Variants in SCAPER observed in about 807,000 individuals in gnomAD.
SCAPER encodes the protein S-phase cyclin A associated protein in the ER.
Under a neutral mutation model 182.2 loss-of-function variants are expected in SCAPER, and 98 were observed. That is an observed-to-expected ratio of 0.54 (90% confidence interval 0.46 to 0.64). SCAPER has a LOEUF of 0.64. Among genes scored for constraint, SCAPER ranks in the 30% least tolerant of loss-of-function variants. The pLI is 0.00. For missense variants in SCAPER, 1,432 were observed against 1,690.0 expected, an observed-to-expected ratio of 0.85 and a Z score of 2.68; for synonymous variants, 605 against 564.6, an observed-to-expected ratio of 1.07 and a Z score of -1.01.
chr15:76,857,749 A>G (rs2071525901), intron 4 of SCAPER, 60 bp downstream of exon 4: 1 of 1,031,388 alleles, frequency 9.7e-7, no homozygotes, highest in Non-Finnish European at 1.4e-6. Context: ...TTCATAATTT[A>G]TAATACATTC....
chr15:76,397,007 G>GTTTTTTTT (rs61586857), intron 27 of SCAPER, among the ~76,000 whole-genome samples: 1 of 121,150 alleles, frequency 8.3e-6, no homozygotes, highest in Non-Finnish European at 1.8e-5. Context: ...TTTTTTGAGA[G>GTTTTTTTT]TTTTTTTTTT....
chr15:76,812,997 A>C (rs1469132228), intron 5 of SCAPER, among the ~76,000 whole-genome samples: 1 of 121,064 alleles, frequency 8.3e-6, no homozygotes, highest in Non-Finnish European at 1.8e-5. Flanking sequence ...AAAAATGATG[A>C]ATATACACAC....
At chr15:76,863,118 G>C (rs2072008632) in intron 2 of SCAPER, among the ~76,000 whole-genome samples, 1 of 152,068 alleles carries the variant, frequency 6.6e-6, no homozygotes, top group African/African-American at 2.4e-5. Flanking sequence ...GCCCTGCCTG[G>C]CCTAAGAACA....
intron 18 of SCAPER, among the ~76,000 whole-genome samples, chr15:76,705,132 A>T (rs2059179569): frequency 6.6e-6 from 1 of 152,102 alleles, no homozygotes; most frequent in Non-Finnish European, 1.5e-5. Flanking sequence ...AATAGCAAAG[A>T]CTTGGAACCA....
At chr15:76,556,095 A>G (rs1318271298) in intron 23 of SCAPER, among the ~76,000 whole-genome samples, 1 of 152,210 alleles carries the variant, frequency 6.6e-6, no homozygotes, top group African/African-American at 2.4e-5. Flanking sequence ...AACCATATAC[A>G]TAGTACATGT....
At chr15:76,443,925 G>T (rs1196223262) in intron 25 of SCAPER, among the ~76,000 whole-genome samples, 1 of 152,334 alleles carries the variant, frequency 6.6e-6, no homozygotes, top group African/African-American at 2.4e-5. Context: ...AGCAAATGCG[G>T]ACCAGTCAAG....
intron 1 of SCAPER, among the ~76,000 whole-genome samples, chr15:76,896,071 C>T (rs2074421390): frequency 6.6e-6 from 1 of 151,232 alleles, no homozygotes; most frequent in South Asian, 2.1e-4. Flanking sequence ...TTTACAATAG[C>T]ATAAAAGACA....
chr15:76,854,928 C>T (rs1448223276), intron 4 of SCAPER, among the ~76,000 whole-genome samples: 1 of 151,118 alleles, frequency 6.6e-6, no homozygotes, highest in Non-Finnish European at 1.5e-5. Flanking sequence ...GCCGAGATCA[C>T]ACCACTGCAC....
At chr15:76,779,919 C>T (rs3102709) in intron 8 of SCAPER, among the ~76,000 whole-genome samples, 23,346 of 152,166 alleles carry the variant, frequency 0.15, 2,016 homozygotes, top group African/African-American at 0.24. Context: ...CTTCGACCAA[C>T]ATGGGTGAAT....
chr15:76,819,045 A>AC (rs999195818), intron 5 of SCAPER, among the ~76,000 whole-genome samples: 3 of 152,206 alleles, frequency 2.0e-5, no homozygotes, highest in African/African-American at 7.2e-5. Flanking sequence ...GGGGAGGAGC[A>AC]CCCACCATTG....
At chr15:76,767,170 C>T in intron 10 of SCAPER, 82 bp from the exon 11 acceptor site, 2 of 1,243,292 alleles carry the variant, frequency 1.6e-6, no homozygotes, top group South Asian at 1.4e-5. Context: ...CTAACATGAA[C>T]TCAACAGTAT....
intron 15 of SCAPER, among the ~76,000 whole-genome samples, chr15:76,739,010 AT>A (rs2061420176): frequency 6.6e-6 from 1 of 152,104 alleles, no homozygotes; most frequent in African/African-American, 2.4e-5. Flanking sequence ...CTGTACAGAC[AT>A]TTTTTCTTGT....
At chr15:76,751,751 A>ATTTCC (rs2062097812) in intron 15 of SCAPER, among the ~76,000 whole-genome samples, 1 of 151,770 alleles carries the variant, frequency 6.6e-6, no homozygotes, top group African/African-American at 2.4e-5. Context: ...TTACCTAAAT[A>ATTTCC]TAAGATCTAA....
At chr15:76,367,492 C>A (rs1258240846) in intron 29 of SCAPER, among the ~76,000 whole-genome samples, 1 of 152,122 alleles carries the variant, frequency 6.6e-6, no homozygotes, top group African/African-American at 2.4e-5. Flanking sequence ...TGATTTGATA[C>A]CCCAATAGAA....
chr15:76,603,010 TTTTTA>T (rs1323087775), intron 22 of SCAPER, among the ~76,000 whole-genome samples: 1 of 102,950 alleles, frequency 9.7e-6, no homozygotes, highest in African/African-American at 2.8e-5. Flanking sequence ...TCCTCAATAG[TTTTTA>T]TTTTATTTAT....
chr15:76,738,914 A>G (rs574184101), intron 15 of SCAPER, among the ~76,000 whole-genome samples: 1 of 152,214 alleles, frequency 6.6e-6, no homozygotes, highest in Non-Finnish European at 1.5e-5. Flanking sequence ...TGCTTGATGC[A>G]GGATTGACAC....
chr15:76,836,737 GGTGGCAGGCACCC>G (rs1331406549), intron 5 of SCAPER, among the ~76,000 whole-genome samples: 1 of 152,040 alleles, frequency 6.6e-6, no homozygotes, highest in African/African-American at 2.4e-5. Context: ...AGCCGGGCGT[GGTGGCAGGCACCC>G]GTAGTCCCAG....
intron 25 of SCAPER, among the ~76,000 whole-genome samples, chr15:76,450,178 T>A (rs16968254): frequency 0.084 from 12,752 of 152,266 alleles, 616 homozygotes; most frequent in African/African-American, 0.12. Context: ...CCTTGTGATG[T>A]CTACTATAGC....
intron 1 of SCAPER, among the ~76,000 whole-genome samples, chr15:76,890,781 C>A (rs909143627): frequency 6.6e-6 from 1 of 152,170 alleles, no homozygotes; most frequent in Non-Finnish European, 1.5e-5. Flanking sequence ...CTATTCCGAT[C>A]AATAGAAGAA....
Sources: allele counts gnomAD v4.1 joint callset (sites outside exome capture counted in the v4.1 genomes callset), GRCh38; gene constraint gnomAD v4.1.1; transcripts MANE v1.5; gene names NCBI Gene and HGNC (gene_info 2026-07-23, HGNC 2026-07-21).